ASCC3: variants seen among roughly 807,000 people sequenced by gnomAD.
The protein encoded by ASCC3 is activating signal cointegrator 1 complex subunit 3.
Under a neutral mutation model 256.3 loss-of-function variants are expected in ASCC3, and 158 were observed. That is an observed-to-expected ratio of 0.62 (90% CI 0.54 to 0.70). The LOEUF is 0.70. Ranked by LOEUF, ASCC3 falls within the 30% of genes least tolerant of loss-of-function variation. ASCC3 has a pLI of 0.00. For synonymous variants in ASCC3, 948 were observed against 883.4 expected, an observed-to-expected ratio of 1.07 and a Z score of -1.30; for missense variants, 2,259 against 2,626.0, an observed-to-expected ratio of 0.86 and a Z score of 3.05.
chr6:100,734,629 TGTAA>T (rs1247978238), intron 10 of ASCC3, among the ~76,000 whole-genome samples: 1 of 152,232 alleles, frequency 6.6e-6, no homozygotes, highest in African/African-American at 2.4e-5. Flanking sequence ...ACTAAGCTTA[TGTAA>T]GTGTCTGCTA....
chr6:100,638,054 C>A (rs1774932186), intron 25 of ASCC3, among the ~76,000 whole-genome samples: 1 of 152,078 alleles, frequency 6.6e-6, no homozygotes, highest in African/African-American at 2.4e-5. Context: ...CAGGCGGCAT[C>A]ACATGCTACA....
intron 4 of ASCC3, among the ~76,000 whole-genome samples, chr6:100,829,332 G>C (rs1193947595): frequency 6.6e-6 from 1 of 152,032 alleles, no homozygotes; most frequent in African/African-American, 2.4e-5. Context: ...TGGAGTGGCG[G>C]GGAGGCTCAG....
intron 10 of ASCC3, among the ~76,000 whole-genome samples, chr6:100,738,315 C>T (rs1780275963): frequency 6.6e-6 from 1 of 152,106 alleles, no homozygotes; most frequent in Non-Finnish European, 1.5e-5. Flanking sequence ...CTCAGTGGTA[C>T]TGTCTAGATT....
At chr6:100,607,268 A>G (rs1201114621) in intron 30 of ASCC3, among the ~76,000 whole-genome samples, 180 bp from the exon 31 acceptor site, 2 of 152,120 alleles carry the variant, frequency 1.3e-5, no homozygotes, top group Non-Finnish European at 2.9e-5. Flanking sequence ...CTTGGTGAGA[A>G]TATATACTCT....
At chr6:100,762,095 T>C (rs1231666229) in intron 10 of ASCC3, among the ~76,000 whole-genome samples, 1 of 152,098 alleles carries the variant, frequency 6.6e-6, no homozygotes, top group Admixed American at 6.5e-5. Context: ...AGCAGAGTAA[T>C]ACAAAGAAAA....
intron 10 of ASCC3, among the ~76,000 whole-genome samples, chr6:100,762,083 C>T (rs940995775): frequency 6.6e-6 from 1 of 152,150 alleles, no homozygotes; most frequent in African/African-American, 2.4e-5. Context: ...GAGCTTTGAT[C>T]TAGCAGAGTA....
chr6:100,531,685 G>A (rs1162967075), intron 37 of ASCC3, among the ~76,000 whole-genome samples: 1 of 151,940 alleles, frequency 6.6e-6, no homozygotes, highest in Non-Finnish European at 1.5e-5. Context: ...GTGCCTACCT[G>A]AAAAATGTAT....
chr6:100,609,391 A>G (rs1218159477), intron 30 of ASCC3, among the ~76,000 whole-genome samples: 1 of 151,900 alleles, frequency 6.6e-6, no homozygotes, highest in Non-Finnish European at 1.5e-5. Context: ...TATATTCACA[A>G]TTTTTATATA....
At chr6:100,878,058 C>T (rs1295698203) in intron 1 of ASCC3, among the ~76,000 whole-genome samples, 1 of 152,088 alleles carries the variant, frequency 6.6e-6, no homozygotes, top group African/African-American at 2.4e-5. Flanking sequence ...AAGGGATTCT[C>T]AAAGGTAATC....
intron 40 of ASCC3, 85 bp from the exon 41 acceptor site, chr6:100,510,192 C>T: frequency 7.1e-7 from 1 of 1,407,750 alleles, no homozygotes; most frequent in African/African-American, 1.4e-5. Context: ...CGTTGTCTTA[C>T]TTGAAGGCCA....
chr6:100,575,097 G>A (rs1396051059), intron 36 of ASCC3, among the ~76,000 whole-genome samples: 2 of 151,970 alleles, frequency 1.3e-5, no homozygotes, highest in East Asian at 3.9e-4. Flanking sequence ...AGTAGCAGAT[G>A]GGATCCTGTG....
intron 10 of ASCC3, among the ~76,000 whole-genome samples, chr6:100,755,005 C>T (rs1781109421): frequency 6.6e-6 from 1 of 152,066 alleles, no homozygotes; most frequent in African/African-American, 2.4e-5. Context: ...CCTTAAACCT[C>T]TTTTTCTTTA....
At chr6:100,866,672 G>A (rs897297987) in intron 2 of ASCC3, among the ~76,000 whole-genome samples, 2 of 152,178 alleles carry the variant, frequency 1.3e-5, no homozygotes, top group East Asian at 1.9e-4. Flanking sequence ...CACCAGGGAT[G>A]TGCTTGTACA....
intron 36 of ASCC3, among the ~76,000 whole-genome samples, chr6:100,583,681 G>A (rs901872998): frequency 7.9e-5 from 12 of 152,064 alleles, no homozygotes; most frequent in African/African-American, 2.4e-4. Context: ...TGTGATGTTA[G>A]GGTGTCAATT....
chr6:100,713,548 C>T (rs913762047), intron 13 of ASCC3, among the ~76,000 whole-genome samples: 6 of 152,078 alleles, frequency 3.9e-5, no homozygotes, highest in Admixed American at 1.3e-4. Flanking sequence ...TTAACCTTAA[C>T]GTAAACTGTG....
intron 4 of ASCC3, among the ~76,000 whole-genome samples, chr6:100,813,221 C>T (rs1055495149): frequency 3.3e-5 from 5 of 151,944 alleles, no homozygotes; most frequent in South Asian, 4.2e-4. Context: ...TTTGGGAGGC[C>T]GAAGCGGGAG....
chr6:100,755,537 T>C (rs1781138865), intron 10 of ASCC3, among the ~76,000 whole-genome samples: 1 of 152,036 alleles, frequency 6.6e-6, no homozygotes, highest in Non-Finnish European at 1.5e-5. Context: ...CTTTATTATA[T>C]TGACATGAAT....
intron 30 of ASCC3, among the ~76,000 whole-genome samples, chr6:100,608,188 A>ATC (rs1773080510): frequency 5.6e-5 from 6 of 107,408 alleles, no homozygotes; most frequent in Admixed American, 1.2e-4. Context: ...ATGTGTGTGT[A>ATC]TATATATACT....
chr6:100,767,019 CA>C (rs1227346446), intron 9 of ASCC3, 125 bp downstream of exon 9: 2 of 989,708 alleles, frequency 2.0e-6, no homozygotes, highest in African/African-American at 3.2e-5. Context: ...GTAAATCAAA[CA>C]GTATTACTTA....
Sources: allele counts gnomAD v4.1 joint callset (sites outside exome capture counted in the v4.1 genomes callset), GRCh38; gene constraint gnomAD v4.1.1; transcripts MANE v1.5; gene names NCBI Gene and HGNC (gene_info 2026-07-23, HGNC 2026-07-21).